The following ISLR2 variants were observed in gnomAD, a reference collection of about 807,000 sequenced individuals.
ISLR2 encodes the protein immunoglobulin superfamily containing leucine rich repeat 2, also known as immunoglobulin superfamily containing leucine-rich repeat protein 2.
Under a neutral mutation model 25.5 loss-of-function variants are expected in ISLR2, and 16 were observed. The ratio of observed to expected loss-of-function variants is 0.63; its 90% confidence interval spans 0.43 to 0.95. The LOEUF is 0.95. Ranked by LOEUF, ISLR2 falls within the 40% of genes least tolerant of loss-of-function variation. ISLR2 has a pLI of 0.00. For synonymous variants in ISLR2, 508 were observed against 486.6 expected (o/e 1.04, Z -0.58); for missense variants, 883 against 1,030.7 (o/e 0.86, Z 1.96).
intron 2 of ISLR2, among the ~76,000 whole-genome samples, chr15:74,107,710 C>A (rs2072132401): frequency 6.6e-6 from 1 of 152,342 alleles, no homozygotes; most frequent in Non-Finnish European, 1.5e-5. Context: ...CTTGGGAAGG[C>A]ACCTCCTCCT....
chr15:74,130,406 C>G (rs2072382730), upstream of ISLR2: 1 of 152,196 alleles, frequency 6.6e-6, no homozygotes, highest in African/African-American at 2.4e-5. Context: ...GCGCGCAGCT[C>G]AGCGGGTCCC....
chr15:74,132,474 G>A lies in ISLR2; in HGVS notation c.-8-273G>A, dbSNP rs2072443410. On this transcript the variant is annotated intron_variant, in intron 2 of 2. Coordinates refer to ENST00000453268, the MANE Select transcript of ISLR2 (RefSeq NM_020851.3). This position sits in a 1 kb window ranked among gnomAD's most constrained non-coding sequence, Gnocchi z 4.3. ...GGGCGAGCTGCGGAGCCCACGGAGG[G>A]GCCAGCTCCAGCGTGAAGGAAGGAG... 6.6e-6 allele frequency among the ~76,000 whole-genome samples: 1 copy of A among 152,176 alleles called. No homozygotes were observed. The highest frequency in any genetic ancestry group is 6.5e-5 in the Admixed American group (1 of 15,280).
Position 74,133,519 on chromosome 15 carries a change from G to C in ISLR2, c.765G>C (p.Ala255=). ...APGTPLRAGL[A]FVLHCIADGH... ...GCACCCCACTGCGCGCAGGACTGGC[G>C]TTCGTGTTACACTGCATCGCCGACG... Residue 255 remains alanine (A), a synonymous_variant, in exon 3 of 3, where the codon GCG becomes GCC. Transcript: ENST00000453268. The C allele has an allele frequency of 6.2e-7, 1 of 1,614,102 alleles. No individual in the cohort carries two copies. The highest frequency in any genetic ancestry group is 2.2e-5 in the East Asian group (1 of 44,876).
intron 2 of ISLR2, among the ~76,000 whole-genome samples, chr15:74,109,994 AT>A (rs1164826872): frequency 6.6e-6 from 1 of 152,064 alleles, no homozygotes; most frequent in Non-Finnish European, 1.5e-5. Context: ...GAGTTTCACC[AT>A]GTTGCTCAGG....
downstream of ISLR2, among the ~76,000 whole-genome samples, chr15:74,141,672 ATAT>A (rs1180875017): frequency 1.3e-5 from 2 of 152,172 alleles, no homozygotes; most frequent in Non-Finnish European, 2.9e-5. Context: ...CTGTGAGGTA[ATAT>A]TATTATTCTA....
At position 74,134,396 on chromosome 15, in the gene ISLR2, G is replaced by A; in HGVS notation, c.1642G>A (p.Glu548Lys). ...GAAVQWSRVE[E>K]GVNAYWFRGL... ...GGCAGTGCAGTGGTCCCGCGTAGAGGAAGGCGTCAACGCCTACTGGTTCCG... is the reference window on the plus strand; with the variant it reads ...GGCAGTGCAGTGGTCCCGCGTAGAGAAAGGCGTCAACGCCTACTGGTTCCG... The change falls in exon 3 of 3, where the codon GAA becomes AAA. Residue 548 changes from glutamate to lysine, a missense_variant. Transcript: ENST00000453268. 1.2e-6 allele frequency: 2 copies of A among 1,610,476 alleles called. No individual in the cohort carries two copies. The highest frequency in any genetic ancestry group is 8.5e-7 in the Non-Finnish European group (1 of 1,179,282).
At chr15:74,116,218 C>G (rs2141933389) in intron 2 of ISLR2, among the ~76,000 whole-genome samples, 1 of 151,962 alleles carries the variant, frequency 6.6e-6, no homozygotes, top group African/African-American at 2.4e-5. Flanking sequence ...AGAAGAATTA[C>G]TAGAGACGAA....
chr15:74,118,407 G>T (rs758537964), intron 2 of ISLR2, among the ~76,000 whole-genome samples: 1 of 152,108 alleles, frequency 6.6e-6, no homozygotes, highest in Non-Finnish European at 1.5e-5. Context: ...TTTCAGGCAC[G>T]CATTGTCATT....
intron 2 of ISLR2, among the ~76,000 whole-genome samples, chr15:74,110,676 G>T (rs1005368674): frequency 9.0e-5 from 13 of 145,182 alleles, no homozygotes; most frequent in Non-Finnish European, 1.6e-4. Context: ...AAAAAAAAAG[G>T]CTGGGCATGG....
In ISLR2 at chr15:74,132,907, C is replaced by T. The variant is rs769108676; in HGVS notation, c.153C>T (p.Ala51=). The T allele has an allele frequency of 2.0e-5, 33 of 1,613,988 alleles. No individual in the cohort carries two copies. Among genetic ancestry groups the T allele is most frequent in the South Asian group, 8.8e-5 (8 of 91,088 alleles). ...GTGAGGTGCCGGAAGGACTGCCTGC[C>T]AACGTGACGACGCTTAGTCTGTCCG... ...ELREVPEGLP[A]NVTTLSLSAN... The change falls in exon 3 of 3, where the codon GCC becomes GCT. Residue 51 remains alanine, a synonymous_variant. Transcript: ENST00000453268. The surrounding 1 kb of genome is among the most constrained non-coding windows in gnomAD (Gnocchi z 4.3).
intron 1 of ISLR2, among the ~76,000 whole-genome samples, chr15:74,102,243 C>T (rs1484855589): frequency 2.0e-5 from 2 of 99,572 alleles, no homozygotes; most frequent in African/African-American, 7.7e-5. Context: ...AATGGTTCAA[C>T]TTTTATTTCA....
Position 74,134,561 on chromosome 15 carries a change from C to T in ISLR2, c.1807C>T (p.Leu603=), listed in dbSNP as rs764442699. ...IVAVSVFLLV[L]ATVPLLGAAC... Reference sequence around the variant, plus strand: ...GGCAGTGAGCGTATTCCTCCTGGTGCTGGCCACAGTGCCCCTTCTGGGCGC... The same window carrying T: ...GGCAGTGAGCGTATTCCTCCTGGTGTTGGCCACAGTGCCCCTTCTGGGCGC... Residue 603 remains leucine, a synonymous_variant, in exon 3 of 3, where the codon CTG becomes TTG. Transcript: ENST00000453268. 8.1e-6 allele frequency: 13 copies of T among 1,614,046 alleles called. No homozygotes were observed. The highest frequency in any genetic ancestry group is 1.1e-5 in the Non-Finnish European group (13 of 1,180,042).
At chr15:74,118,672 T>C (rs1390980223) in intron 2 of ISLR2, among the ~76,000 whole-genome samples, 1 of 151,366 alleles carries the variant, frequency 6.6e-6, no homozygotes, top group African/African-American at 2.4e-5. Context: ...TTATTATTAT[T>C]ATTGAGATGG....
At chr15:74,136,898 G>T, downstream of ISLR2, 1 of 163,078 alleles carries the variant, frequency 6.1e-6, no homozygotes. Flanking sequence ...AGAGCCTCCC[G>T]TTGGAATCTT....
Position 74,135,302 on chromosome 15 carries a change from G to A in ISLR2, c.*310G>A. 1 of 314,952 alleles carries A rather than the reference G, an allele frequency of 3.2e-6. No homozygotes were observed. Among genetic ancestry groups the A allele is most frequent in the Non-Finnish European group, 6.3e-6 (1 of 158,162 alleles). 19.5% of individuals were successfully genotyped at this position (314,952 alleles called of 1,614,324 possible). ...ATATCTATGTCCCTCCATTCCCGTC[G>A]CGATTATCTGCGAAATCCACCCCGC... is the stretch of plus-strand genomic sequence containing the variant. On this transcript the variant is annotated 3_prime_UTR_variant, in exon 3 of 3. Transcript: ENST00000453268.
chr15:74,134,776 G>T lies in ISLR2; in HGVS notation c.2022G>T (p.Gly674=), dbSNP rs1296333146. 2 of 1,614,006 alleles carry T rather than the reference G, an allele frequency of 1.2e-6. No homozygotes were observed. The highest frequency in any genetic ancestry group is 2.2e-5 in the South Asian group (2 of 91,076). ...AGGEEPEDVQ[G]EGLDEDAEQG... Reference sequence around the variant, plus strand: ...GCGAGGAGCCAGAGGACGTGCAGGGGGAGGGCCTTGATGAAGACGCGGAGC... The same window carrying T: ...GCGAGGAGCCAGAGGACGTGCAGGGTGAGGGCCTTGATGAAGACGCGGAGC... The change falls in exon 3 of 3, where the codon GGG becomes GGT. Residue 674 remains glycine (G), a synonymous_variant. Coordinates refer to ENST00000453268, the MANE Select transcript of ISLR2 (RefSeq NM_020851.3).
downstream of ISLR2, among the ~76,000 whole-genome samples, chr15:74,138,028 A>G (rs974204958): frequency 1.3e-5 from 2 of 152,012 alleles, no homozygotes; most frequent in African/African-American, 4.8e-5. Context: ...AGCGTTCTGT[A>G]CATCTTCTTG....
chr15:74,113,755 T>A (rs1224049289), intron 2 of ISLR2, among the ~76,000 whole-genome samples: 1 of 152,236 alleles, frequency 6.6e-6, no homozygotes, highest in Admixed American at 6.5e-5. Context: ...CCTCTGTGAA[T>A]GTCTGGGATA....
chr15:74,119,228 C>T (rs2072234074), intron 2 of ISLR2, among the ~76,000 whole-genome samples: 2 of 151,250 alleles, frequency 1.3e-5, no homozygotes, highest in African/African-American at 4.9e-5. Context: ...TTTTTTTTCC[C>T]CAGACAGGGT....
Sources: allele counts gnomAD v4.1 joint callset (sites outside exome capture counted in the v4.1 genomes callset), GRCh38; gene constraint gnomAD v4.1.1; non-coding constraint Gnocchi (gnomAD v3.1); transcripts MANE v1.5; gene names NCBI Gene and HGNC (gene_info 2026-07-23, HGNC 2026-07-21).